Variants in RANBP2 observed in about 807,000 individuals in gnomAD.
RANBP2 encodes the protein RAN binding protein 2.
RANBP2 carries 57 observed loss-of-function variants against 303.6 expected under a neutral mutation model. The ratio of observed to expected loss-of-function variants is 0.19; its 90% confidence interval spans 0.15 to 0.23. The LOEUF is 0.23. Ranked by LOEUF, RANBP2 falls within the 10% of genes least tolerant of loss-of-function variation. The pLI, the probability that RANBP2 is intolerant of heterozygous loss-of-function variation, is 1.00. For synonymous variants in RANBP2, 1,167 were observed against 1,301.5 expected (o/e 0.90, Z 2.23); for missense variants, 3,138 against 3,780.8 (o/e 0.83, Z 4.46).
chr2:109,214,052 A>G, the RANBP2 span, among the ~76,000 whole-genome samples: 2 of 152,118 alleles, frequency 1.3e-5, no homozygotes, highest in African/African-American at 4.8e-5. Flanking sequence ...GTTGGAGGAA[A>G]TGGAGGGCAG....
the RANBP2 span, among the ~76,000 whole-genome samples, chr2:109,268,762 G>A: frequency 6.6e-6 from 1 of 151,710 alleles, no homozygotes; most frequent in African/African-American, 2.4e-5. Flanking sequence ...AAGGCTTTGA[G>A]TCTGATGATG....
chr2:109,075,423 A>C, the RANBP2 span, among the ~76,000 whole-genome samples: 1 of 150,406 alleles, frequency 6.6e-6, no homozygotes, highest in African/African-American at 2.4e-5. Context: ...ACGGGGTTTC[A>C]CCATGTTGGC....
At chr2:109,116,177 T>C in the RANBP2 span, among the ~76,000 whole-genome samples, 46 of 152,362 alleles carry the variant, frequency 3.0e-4, 1 homozygote, top group South Asian at 8.3e-4. Context: ...AATGTTGGTC[T>C]GCCTTGCTAG....
At chr2:108,793,787 A>G in the RANBP2 span, among the ~76,000 whole-genome samples, 2 of 151,408 alleles carry the variant, frequency 1.3e-5, no homozygotes, top group East Asian at 2.0e-4. Context: ...TATTTTTAGT[A>G]GAGACGGGAT....
At chr2:109,267,863 G>A in the RANBP2 span, among the ~76,000 whole-genome samples, 1 of 152,142 alleles carries the variant, frequency 6.6e-6, no homozygotes, top group Non-Finnish European at 1.5e-5. Flanking sequence ...GACAGAGGTT[G>A]CTTGGGAGGC....
At chr2:109,100,712 G>C in the RANBP2 span, among the ~76,000 whole-genome samples, 1 of 152,028 alleles carries the variant, frequency 6.6e-6, no homozygotes. Context: ...ATGATATAGT[G>C]CTTGAAAAAG....
the RANBP2 span, among the ~76,000 whole-genome samples, chr2:108,855,260 A>G: frequency 6.6e-6 from 1 of 152,300 alleles, no homozygotes; most frequent in African/African-American, 2.4e-5. Flanking sequence ...CAGTTTTTCT[A>G]ATCCTCAAGG....
the RANBP2 span, among the ~76,000 whole-genome samples, chr2:109,395,850 A>G: frequency 6.6e-6 from 1 of 152,170 alleles, no homozygotes; most frequent in East Asian, 1.9e-4. Flanking sequence ...ACTTGCATAC[A>G]ACAACCTGTT....
At chr2:109,580,582 CA>C in the RANBP2 span, among the ~76,000 whole-genome samples, 4 of 152,034 alleles carry the variant, frequency 2.6e-5, no homozygotes, top group Non-Finnish European at 4.4e-5. Context: ...GACTATCCTA[CA>C]AAATACTGCA....
chr2:109,697,158 A>G, the RANBP2 span, among the ~76,000 whole-genome samples: 3 of 152,164 alleles, frequency 2.0e-5, no homozygotes, highest in Non-Finnish European at 2.9e-5. Flanking sequence ...TGTTTGATTT[A>G]TCCCTAGGCA....
chr2:109,079,188 G>C, the RANBP2 span, among the ~76,000 whole-genome samples: 1 of 152,116 alleles, frequency 6.6e-6, no homozygotes, highest in Non-Finnish European at 1.5e-5. Context: ...AACTAAAGAC[G>C]AGGAGGATGA....
chr2:109,007,879 C>T, the RANBP2 span, among the ~76,000 whole-genome samples: 2 of 1,708 alleles, frequency 1.2e-3, no homozygotes, highest in Non-Finnish European at 0.021. Context: ...AATCAAGAAA[C>T]CACAAGAAAT....
At chr2:108,780,582 T>G (rs1678185680) in intron 25 of RANBP2, among the ~76,000 whole-genome samples, 1 of 150,406 alleles carries the variant, frequency 6.6e-6, no homozygotes, top group East Asian at 1.9e-4. Flanking sequence ...CAGGCTGGAG[T>G]GCAGTGGGGC....
At chr2:108,861,031 C>T in the RANBP2 span, among the ~76,000 whole-genome samples, 1 of 122,768 alleles carries the variant, frequency 8.1e-6, no homozygotes, top group Non-Finnish European at 1.6e-5. Flanking sequence ...GTTTCAATTT[C>T]TTCCTGATTC....
chr2:109,533,174 G>C, the RANBP2 span, among the ~76,000 whole-genome samples: 1 of 152,124 alleles, frequency 6.6e-6, no homozygotes, highest in Admixed American at 6.5e-5. Flanking sequence ...AGGGAGGGAG[G>C]GTAAGCAAGC....
At chr2:108,856,854 A>G in the RANBP2 span, 1 of 1,613,574 alleles carries the variant, frequency 6.2e-7, no homozygotes, top group Non-Finnish European at 8.5e-7. Flanking sequence ...GAAGAAGGAA[A>G]AACCTTGTTT....
the RANBP2 span, chr2:109,614,241 G>T: frequency 4.0e-5 from 32 of 803,268 alleles, no homozygotes; most frequent in African/African-American, 5.2e-4. Context: ...CTAGGTAGGT[G>T]TGGCCGAGAC....
At chr2:108,995,194 T>C in the RANBP2 span, among the ~76,000 whole-genome samples, 2 of 152,070 alleles carry the variant, frequency 1.3e-5, no homozygotes, top group African/African-American at 4.8e-5. Context: ...AGGGTCTTGC[T>C]CCATCACCTG....
At chr2:109,265,564 GGGCAGGTGT>G in the RANBP2 span, among the ~76,000 whole-genome samples, 1 of 152,196 alleles carries the variant, frequency 6.6e-6, no homozygotes, top group Admixed American at 6.5e-5. Flanking sequence ...GTCTCCTTCA[GGGCAGGTGT>G]GGCTCTTCCT....
Sources: gnomAD v4.1 joint callset for allele counts (sites outside exome capture counted in the v4.1 genomes callset) on GRCh38, gnomAD v4.1.1 for gene constraint, MANE v1.5 for transcripts, NCBI Gene and HGNC (gene_info 2026-07-23, HGNC 2026-07-21) for gene names.